PIK3CB: variants seen among roughly 807,000 people sequenced by gnomAD.
The protein encoded by PIK3CB is phosphatidylinositol 4,5-bisphosphate 3-kinase catalytic subunit beta isoform.
A neutral mutation model predicts 136.8 loss-of-function variants in PIK3CB; 39 were observed. That is an observed-to-expected ratio of 0.29 (90% CI 0.22 to 0.37). The LOEUF is 0.37. Among genes scored for constraint, PIK3CB ranks in the 10% least tolerant of loss-of-function variants. The probability of loss-of-function intolerance (pLI) is 1.00; values close to 1 mark genes in which losing one functional copy is unlikely to be tolerated. For synonymous variants in PIK3CB, 428 were observed against 436.6 expected, an observed-to-expected ratio of 0.98 and a Z score of 0.25; for missense variants, 868 against 1,275.4, an observed-to-expected ratio of 0.68 and a Z score of 4.87.
At chr3:138,749,688 C>T (rs562951253) in intron 4 of PIK3CB, among the ~76,000 whole-genome samples, 8 of 152,106 alleles carry the variant, frequency 5.3e-5, no homozygotes, top group African/African-American at 1.9e-4. Context: ...TTGTTTTTTC[C>T]TTTCTCCACC....
At chr3:138,659,627 G>A (rs953578513) in intron 21 of PIK3CB, among the ~76,000 whole-genome samples, 3 of 152,188 alleles carry the variant, frequency 2.0e-5, no homozygotes, top group East Asian at 1.9e-4. Flanking sequence ...AGCTATTGAG[G>A]AGCCAAGTCA....
At chr3:138,746,399 G>A (rs2045354861) in intron 4 of PIK3CB, among the ~76,000 whole-genome samples, 1 of 151,946 alleles carries the variant, frequency 6.6e-6, no homozygotes, top group South Asian at 2.1e-4. Flanking sequence ...GGTGGCTCAC[G>A]CCTGTAATCC....
intron 2 of PIK3CB, among the ~76,000 whole-genome samples, chr3:138,781,393 G>A (rs561407487): frequency 1.3e-4 from 19 of 151,906 alleles, no homozygotes; most frequent in Non-Finnish European, 8.8e-5. Context: ...GTAGGAGGGC[G>A]GCTTGAGCCC....
intron 1 of PIK3CB, among the ~76,000 whole-genome samples, chr3:138,801,356 C>T (rs1019342401): frequency 5.3e-5 from 8 of 152,118 alleles, no homozygotes; most frequent in Non-Finnish European, 7.3e-5. Context: ...ATCATGCCAC[C>T]GCCATTATCA....
chr3:138,685,409 AAAAAAAAAAAAAAAG>A (rs1306979152), intron 16 of PIK3CB, among the ~76,000 whole-genome samples: 1 of 145,822 alleles, frequency 6.9e-6, no homozygotes, highest in Non-Finnish European at 1.5e-5. Context: ...AAAAAAAAAA[AAAAAAAAAAAAAAAG>A]AAAGAAAGAA....
At chr3:138,685,999 C>T (rs1441826911) in intron 16 of PIK3CB, among the ~76,000 whole-genome samples, 2 of 150,656 alleles carry the variant, frequency 1.3e-5, no homozygotes, top group South Asian at 2.1e-4. Context: ...TAGCCAGACA[C>T]GGTGGTGTGC....
chr3:138,804,177 C>T (rs994439692), intron 1 of PIK3CB, among the ~76,000 whole-genome samples: 3 of 151,964 alleles, frequency 2.0e-5, no homozygotes, highest in Non-Finnish European at 4.4e-5. Flanking sequence ...AGTAACCTCA[C>T]AAATCACTTG....
rs145293646 is a variant in PIK3CB at position 138,786,430 on chromosome 3, G to A, written c.-17+10033C>T. The stretch of plus-strand genomic sequence containing the variant: ...GAGTATAATGACGCGATCTTGGCTC[G>A]CTGCAATCTCTGCCTCCCAGGTTCA... On this transcript the variant is annotated intron_variant, in intron 2 of 23. Coordinates refer to ENST00000674063, the MANE Select transcript of PIK3CB (RefSeq NM_006219.3). 7.8e-3 allele frequency among the ~76,000 whole-genome samples: 1,185 copies of A among 151,754 alleles called. 16 individuals are homozygous for A. Among genetic ancestry groups the A allele is most frequent in the African/African-American group, 0.027 (1,102 of 41,374 alleles).
chr3:138,682,100 C>T (rs765107853), intron 18 of PIK3CB, 55 bp from the exon 19 acceptor site: 1 of 1,030,558 alleles, frequency 9.7e-7, no homozygotes, highest in South Asian at 1.4e-5. Context: ...TGCCCTGTAA[C>T]TCATTAATTC....
At chr3:138,690,115 G>T (rs948166986) in intron 15 of PIK3CB, among the ~76,000 whole-genome samples, 2 of 150,468 alleles carry the variant, frequency 1.3e-5, no homozygotes, top group Non-Finnish European at 3.0e-5. Context: ...ACACAAGAAA[G>T]TAAAAAAAAG....
chr3:138,693,891 G>A (rs2044062918), intron 14 of PIK3CB, among the ~76,000 whole-genome samples: 2 of 129,368 alleles, frequency 1.5e-5, no homozygotes, highest in Admixed American at 8.9e-5. Context: ...GACTGGATAA[G>A]GAAACTATGA....
rs370301322 is a variant in PIK3CB, at chr3:138,814,758, T to C, written c.-121-18191A>G. ...GGCTCACACCTGTAATCCCAGCATT[T>C]TGGGAGGCCAAGGTGGGCAGATCAC... On this transcript the variant is annotated intron_variant, in intron 1 of 23. Coordinates refer to ENST00000674063, the MANE Select transcript of PIK3CB (RefSeq NM_006219.3). Among the ~76,000 whole-genome samples, 138 of 152,232 alleles carry C rather than the reference T, an allele frequency of 9.1e-4. No individual in the cohort carries two copies. The South Asian group carries it at 0.027, about 30-fold the overall frequency.
chr3:138,778,836 T>C (rs1212769121), intron 2 of PIK3CB: 1 of 194,962 alleles, frequency 5.1e-6, no homozygotes, highest in African/African-American at 2.4e-5. Flanking sequence ...AGTGAGACCA[T>C]GTAAGTAAGA....
chr3:138,660,192 G>A (rs976421167), intron 21 of PIK3CB, among the ~76,000 whole-genome samples: 1 of 151,924 alleles, frequency 6.6e-6, no homozygotes, highest in African/African-American at 2.4e-5. Flanking sequence ...GTAAAATGGG[G>A]CTATTGCCGC....
In PIK3CB at chr3:138,759,273, A is replaced by G; in HGVS notation, c.71T>C (p.Ile24Thr). The G allele has an allele frequency of 6.2e-7, 1 of 1,613,304 alleles. No individual in the cohort carries two copies. Among genetic ancestry groups the G allele is most frequent in the Non-Finnish European group, 8.5e-7 (1 of 1,179,322 alleles). ...ILDIWAVDSQ[I>T]ASDGSIPVDF... ...CACAGGTATGGAGCCATCAGATGCTATCTGTGAATCCACCGCCCAGATGTC... is the reference window on the plus strand; with the variant it reads ...CACAGGTATGGAGCCATCAGATGCTGTCTGTGAATCCACCGCCCAGATGTC... The change falls in exon 3 of 24, where the codon ATA becomes ACA. Residue 24 changes from isoleucine (I) to threonine (T), a missense_variant. Coordinates refer to ENST00000674063, the MANE Select transcript of PIK3CB (RefSeq NM_006219.3).
intron 10 of PIK3CB, among the ~76,000 whole-genome samples, chr3:138,709,389 T>C (rs1201813009): frequency 6.6e-6 from 1 of 151,994 alleles, no homozygotes; most frequent in African/African-American, 2.4e-5. Context: ...TATGTAGATA[T>C]GGTGAATAAA....
At position 138,742,709 on chromosome 3, in the gene PIK3CB, T is replaced by G. The variant is rs1166248530; in HGVS notation, c.470A>C (p.Glu157Ala). Residue 157 changes from glutamate (E) to alanine (A), a missense_variant, in exon 5 of 24, where the codon GAG becomes GCG. Physicochemically the swap from Glu to Ala is moderately radical, Grantham distance 107. This residue lies in a region of PIK3CB where 612 missense variants were observed against 801.1 expected (regional missense o/e 0.76). Coordinates refer to ENST00000674063, the MANE Select transcript of PIK3CB (RefSeq NM_006219.3). ...TCCCACAAGTGACAGGATTTTTTCC[T>G]CGCTGAATTTGCGCATTTTTCTTCG... ...EFRRKMRKFSEEKILSLVGLS... is the reference protein window; with the variant it reads ...EFRRKMRKFSAEKILSLVGLS... 6.2e-7 allele frequency: 1 copy of G among 1,613,744 alleles called. No individual in the cohort carries two copies. Among genetic ancestry groups the G allele is most frequent in the Non-Finnish European group, 8.5e-7 (1 of 1,179,798 alleles).
At chr3:138,731,861 T>C (rs1036151419) in intron 8 of PIK3CB, among the ~76,000 whole-genome samples, 2 of 151,736 alleles carry the variant, frequency 1.3e-5, no homozygotes, top group East Asian at 2.0e-4. Flanking sequence ...CGTGTGCCTG[T>C]AGTCCCAGTT....
intron 5 of PIK3CB, among the ~76,000 whole-genome samples, chr3:138,739,906 T>TA (rs78049498): frequency 0.017 from 1,676 of 99,850 alleles, 35 homozygotes; most frequent in Middle Eastern, 0.092. Context: ...TCTCAAAAAA[T>TA]AAAAAAAAAA....
Sources: gnomAD v4.1 joint callset for allele counts (sites outside exome capture counted in the v4.1 genomes callset) on GRCh38, gnomAD v4.1.1 for gene constraint, gnomAD v4.1.1 regional missense constraint, MANE v1.5 for transcripts, NCBI Gene and HGNC (gene_info 2026-07-23, HGNC 2026-07-21) for gene names.